TSHZ2: variants seen among roughly 807,000 people sequenced by gnomAD.
TSHZ2 encodes the protein teashirt zinc finger homeobox 2, also known as teashirt homolog 2.
A neutral mutation model predicts 74.4 loss-of-function variants in TSHZ2; 21 were observed. The ratio of observed to expected loss-of-function variants is 0.28; its 90% CI spans 0.20 to 0.41. The LOEUF (loss-of-function observed/expected upper bound fraction) is 0.41, where lower values mean the gene tolerates loss of function less well. Among genes scored for constraint, TSHZ2 ranks in the 10% least tolerant of loss-of-function variants. The probability of loss-of-function intolerance (pLI) is 1.00; values close to 1 mark genes in which losing one functional copy is unlikely to be tolerated. For synonymous variants in TSHZ2, 540 were observed against 515.3 expected (o/e 1.05, Z -0.65); for missense variants, 1,244 against 1,293.5 (o/e 0.96, Z 0.59).
At chr20:53,373,457 T>A (rs958227048) in intron 2 of TSHZ2, among the ~76,000 whole-genome samples, 9 of 152,198 alleles carry the variant, frequency 5.9e-5, no homozygotes, top group African/African-American at 2.2e-4. Context: ...TTCTTCTTGC[T>A]CCTTAATGAG....
At chr20:53,258,100 C>A (rs1021406119) in intron 2 of TSHZ2, among the ~76,000 whole-genome samples, 2 of 152,174 alleles carry the variant, frequency 1.3e-5, no homozygotes, top group African/African-American at 4.8e-5. Context: ...GAGGAGTCCT[C>A]CTATAACTCT....
intron 1 of TSHZ2, among the ~76,000 whole-genome samples, chr20:53,015,635 A>G (rs1384130179): frequency 6.6e-6 from 1 of 152,146 alleles, no homozygotes; most frequent in Non-Finnish European, 1.5e-5. Context: ...GTCATGGATA[A>G]ATTAAGTTCT....
intron 1 of TSHZ2, among the ~76,000 whole-genome samples, chr20:53,121,346 TAAAAA>T (rs946039435): frequency 6.6e-6 from 1 of 152,078 alleles, no homozygotes; most frequent in Admixed American, 6.5e-5. Context: ...AATCTAGTAT[TAAAAA>T]AAAGTAAATG....
intron 1 of TSHZ2, among the ~76,000 whole-genome samples, chr20:53,145,141 G>A (rs554182297): frequency 1.1e-4 from 16 of 152,182 alleles, no homozygotes; most frequent in East Asian, 7.7e-4. Flanking sequence ...TATAATGTTC[G>A]CCTCATCCCA....
intron 2 of TSHZ2, among the ~76,000 whole-genome samples, chr20:53,268,818 G>C (rs1047633586): frequency 6.6e-6 from 1 of 152,166 alleles, no homozygotes; most frequent in African/African-American, 2.4e-5. Flanking sequence ...CAGCAAATCT[G>C]AGCTATTATT....
intron 1 of TSHZ2, among the ~76,000 whole-genome samples, chr20:52,996,354 A>ATTTATTTATTTATTT (rs1568710882): frequency 7.7e-6 from 1 of 130,268 alleles, no homozygotes; most frequent in East Asian, 2.6e-4. Flanking sequence ...TTTATTTATT[A>ATTTATTTATTTATTT]GGCAAAATGG....
At chr20:53,168,009 C>G (rs1271570330) in intron 1 of TSHZ2, among the ~76,000 whole-genome samples, 1 of 152,160 alleles carries the variant, frequency 6.6e-6, no homozygotes, top group Non-Finnish European at 1.5e-5. Flanking sequence ...AGTCGCCTTG[C>G]CAGTCATGGG....
At chr20:53,186,906 A>G (rs1022209984) in intron 1 of TSHZ2, among the ~76,000 whole-genome samples, 1 of 151,830 alleles carries the variant, frequency 6.6e-6, no homozygotes, top group African/African-American at 2.4e-5. Flanking sequence ...GGTTTAATAT[A>G]TATATATATA....
chr20:53,045,845 C>T (rs951681557), intron 1 of TSHZ2, among the ~76,000 whole-genome samples: 12 of 152,190 alleles, frequency 7.9e-5, no homozygotes, highest in African/African-American at 2.9e-4. Context: ...GTTCCATCAT[C>T]GTCATCTTTC....
chr20:53,424,341 C>A (rs1269795302), intron 2 of TSHZ2, among the ~76,000 whole-genome samples: 1 of 152,204 alleles, frequency 6.6e-6, no homozygotes, highest in Non-Finnish European at 1.5e-5. Context: ...GTTTGAGAAT[C>A]ATTTTCCTAA....
intron 2 of TSHZ2, among the ~76,000 whole-genome samples, chr20:53,432,835 T>G (rs575510491): frequency 1.3e-5 from 2 of 152,226 alleles, no homozygotes; most frequent in Non-Finnish European, 2.9e-5. Flanking sequence ...CAGCTTTACT[T>G]ATAGTGATTT....
intron 2 of TSHZ2, among the ~76,000 whole-genome samples, chr20:53,464,220 C>T (rs1208413988): frequency 2.0e-5 from 3 of 152,178 alleles, no homozygotes; most frequent in African/African-American, 7.2e-5. Flanking sequence ...AACCTGAATG[C>T]TAGTGGGGAG....
chr20:53,002,754 G>C (rs986096458), intron 1 of TSHZ2, among the ~76,000 whole-genome samples: 1 of 152,044 alleles, frequency 6.6e-6, no homozygotes, highest in African/African-American at 2.4e-5. Context: ...TGGGACCTAC[G>C]GGCAAGCTTT....
chr20:53,115,297 C>T (rs376045238), intron 1 of TSHZ2, among the ~76,000 whole-genome samples: 18 of 152,142 alleles, frequency 1.2e-4, no homozygotes, highest in Admixed American at 9.2e-4. Flanking sequence ...TCCAATAATT[C>T]CCACAAGTCA....
In TSHZ2 at chr20:53,459,778, G is replaced by T. The variant is rs1250276090; in HGVS notation, c.*9-27366G>T. On this transcript the variant is annotated intron_variant, in intron 2 of 2. Coordinates refer to ENST00000371497, the MANE Select transcript of TSHZ2 (RefSeq NM_173485.6). Reference sequence around the variant, plus strand: ...GTGGTGACAAAATCTCTCAGCATTTGCTTGTCTGTAAAGTATTTTATTTCT... The same window carrying T: ...GTGGTGACAAAATCTCTCAGCATTTTCTTGTCTGTAAAGTATTTTATTTCT... Among the ~76,000 whole-genome samples, 6 of 143,598 alleles carry T rather than the reference G, an allele frequency of 4.2e-5. No homozygotes were observed. The East Asian group carries it at 1.2e-3, about 29-fold the overall frequency. 94.2% of individuals were successfully genotyped at this position (143,598 alleles called of 152,430 possible).
intron 2 of TSHZ2, among the ~76,000 whole-genome samples, chr20:53,364,341 T>C (rs1226817624): frequency 6.6e-6 from 1 of 152,184 alleles, no homozygotes; most frequent in Non-Finnish European, 1.5e-5. Flanking sequence ...GCTCTCCATA[T>C]TTTTAAGAGT....
chr20:53,306,150 A>C (rs1369992869), intron 2 of TSHZ2, among the ~76,000 whole-genome samples: 1 of 152,072 alleles, frequency 6.6e-6, no homozygotes, highest in African/African-American at 2.4e-5. Context: ...TGCTTGCACC[A>C]CGGTCATACC....
chr20:53,460,579 C>T (rs996491376), intron 2 of TSHZ2, among the ~76,000 whole-genome samples: 23 of 152,326 alleles, frequency 1.5e-4, no homozygotes, highest in African/African-American at 3.6e-4. Context: ...AGCTTTGTTC[C>T]GTTGCTGGTG....
At chr20:52,989,439 T>TA (rs1021913568) in intron 1 of TSHZ2, among the ~76,000 whole-genome samples, 2 of 152,148 alleles carry the variant, frequency 1.3e-5, no homozygotes, top group East Asian at 1.9e-4. Flanking sequence ...AAAGAACTGT[T>TA]AAAAAAATAA....
Sources: gnomAD v4.1 joint callset for allele counts (sites outside exome capture counted in the v4.1 genomes callset) on GRCh38, gnomAD v4.1.1 for gene constraint, MANE v1.5 for transcripts, NCBI Gene and HGNC (gene_info 2026-07-23, HGNC 2026-07-21) for gene names.